Variants in RIT2 observed in about 807,000 individuals in gnomAD.
RIT2 encodes the protein GTP-binding protein Rit2.
A neutral mutation model predicts 23.7 loss-of-function variants in RIT2; 24 were observed. The observed-to-expected ratio is 1.01, with a 90% CI of 0.73 to 1.43. The LOEUF (loss-of-function observed/expected upper bound fraction) is 1.43. Among genes scored for constraint, RIT2 ranks in the 40% most tolerant of loss-of-function variants. The pLI is 0.00. For synonymous variants in RIT2, 107 were observed against 91.1 expected (o/e 1.17, Z -0.99); for missense variants, 236 against 266.9 (o/e 0.88, Z 0.81).
chr18:42,992,741 TC>T (rs1458840291), intron 2 of RIT2, among the ~76,000 whole-genome samples: 8 of 152,154 alleles, frequency 5.3e-5, no homozygotes, highest in African/African-American at 1.9e-4. Context: ...TGCTCCTTTT[TC>T]TTTATCCAAC....
intron 2 of RIT2, among the ~76,000 whole-genome samples, chr18:43,000,999 C>G (rs556631403): frequency 4.6e-5 from 7 of 152,192 alleles, no homozygotes; most frequent in African/African-American, 1.7e-4. Flanking sequence ...TTATTTAAAA[C>G]AATATTATCT....
Position 42,765,174 on chromosome 18 carries a change from G to A in RIT2, c.427-21454C>T, listed in dbSNP as rs970363088. ...ATAGAAGCAATTAATATTTGGTTGT[G>A]TAAGAAAAAAATATTTTAAGAATCA... On this transcript the variant is annotated intron_variant, in intron 4 of 4. Coordinates refer to ENST00000326695, the MANE Select transcript of RIT2 (RefSeq NM_002930.4). Among the ~76,000 whole-genome samples the A allele has an allele frequency of 2.0e-5, 3 of 152,148 alleles. No homozygotes were observed. In the East Asian group the frequency reaches 5.8e-4, roughly 29 times the overall value.
chr18:42,787,371 C>G (rs1245838983), intron 4 of RIT2, among the ~76,000 whole-genome samples: 1 of 151,506 alleles, frequency 6.6e-6, no homozygotes, highest in African/African-American at 2.4e-5. Flanking sequence ...CACATGTATA[C>G]ATATGTAATA....
At chr18:42,891,817 C>T (rs1434819021) in intron 4 of RIT2, among the ~76,000 whole-genome samples, 1 of 152,188 alleles carries the variant, frequency 6.6e-6, no homozygotes, top group African/African-American at 2.4e-5. Context: ...CAATGATAGA[C>T]ACATGTTATT....
intron 4 of RIT2, among the ~76,000 whole-genome samples, chr18:42,757,828 T>A (rs964181075): frequency 2.0e-5 from 3 of 152,110 alleles, no homozygotes; most frequent in Non-Finnish European, 4.4e-5. Flanking sequence ...CCCTCCTATT[T>A]CACCTCAGTG....
At chr18:42,959,615 T>C (rs1312604934) in intron 3 of RIT2, among the ~76,000 whole-genome samples, 3 of 152,244 alleles carry the variant, frequency 2.0e-5, no homozygotes, top group African/African-American at 7.2e-5. Flanking sequence ...TATGTTACTA[T>C]TCTCCTAACA....
At chr18:42,943,131 G>T (rs1184443436) in intron 3 of RIT2, among the ~76,000 whole-genome samples, 1 of 152,076 alleles carries the variant, frequency 6.6e-6, no homozygotes, top group African/African-American at 2.4e-5. Flanking sequence ...CTGCTGGCTG[G>T]TGTGGCCAGC....
Position 42,985,272 on chromosome 18 carries a change from A to T in RIT2, c.161-11125T>A, listed in dbSNP as rs551982657. Among the ~76,000 whole-genome samples, 3 of 152,280 alleles carry T rather than the reference A, an allele frequency of 2.0e-5. No individual in the cohort carries two copies. The South Asian group carries it at 6.2e-4, about 32-fold the overall frequency. ...TATGAGATGTTATGAAGAAAGTTAAAGATCATCTAAATAAGTGGAGGTATA... is the reference window on the plus strand; with the variant it reads ...TATGAGATGTTATGAAGAAAGTTAATGATCATCTAAATAAGTGGAGGTATA... On this transcript the variant is annotated intron_variant, in intron 2 of 4. Transcript: ENST00000326695.
At chr18:42,747,928 T>TA (rs1406310133) in intron 4 of RIT2, among the ~76,000 whole-genome samples, 1 of 152,032 alleles carries the variant, frequency 6.6e-6, no homozygotes, top group Non-Finnish European at 1.5e-5. Context: ...TCTGAAAACA[T>TA]AAAAATTATA....
chr18:43,041,282 A>T (rs2030277623), intron 1 of RIT2, among the ~76,000 whole-genome samples: 1 of 152,298 alleles, frequency 6.6e-6, no homozygotes, highest in South Asian at 2.1e-4. Context: ...TCTTTATAAA[A>T]GTAATTAGGG....
chr18:42,833,181 T>C (rs1906508381), intron 4 of RIT2, among the ~76,000 whole-genome samples: 1 of 152,172 alleles, frequency 6.6e-6, no homozygotes, highest in African/African-American at 2.4e-5. Context: ...TATCTATTAT[T>C]CTACTGTTTA....
chr18:43,064,972 A>G (rs1350393388), intron 1 of RIT2, among the ~76,000 whole-genome samples: 2 of 151,850 alleles, frequency 1.3e-5, no homozygotes, highest in Admixed American at 1.3e-4. Context: ...GTGCACCACC[A>G]TGCCCGGCTA....
chr18:42,875,446 T>G (rs187583135), intron 4 of RIT2, among the ~76,000 whole-genome samples: 4 of 151,946 alleles, frequency 2.6e-5, no homozygotes, highest in African/African-American at 9.6e-5. Flanking sequence ...TACTAGTAAA[T>G]TGTGTTGTGC....
intron 4 of RIT2, among the ~76,000 whole-genome samples, chr18:42,815,259 T>G (rs1332493751): frequency 6.6e-6 from 1 of 152,046 alleles, no homozygotes; most frequent in African/African-American, 2.4e-5. Context: ...ATGAAACAGA[T>G]AGCATCAATA....
intron 1 of RIT2, among the ~76,000 whole-genome samples, chr18:43,090,526 C>T (rs752618843): frequency 6.6e-6 from 1 of 152,044 alleles, no homozygotes. Context: ...TGGTTATATA[C>T]CCAAAGGAAT....
chr18:42,840,020 G>A (rs938227770), intron 4 of RIT2, among the ~76,000 whole-genome samples: 3 of 152,136 alleles, frequency 2.0e-5, no homozygotes, highest in Non-Finnish European at 4.4e-5. Context: ...TCAACTAAGG[G>A]TCAACCAAAA....
intron 3 of RIT2, among the ~76,000 whole-genome samples, chr18:42,929,764 C>T (rs1286610362): frequency 6.6e-6 from 1 of 152,152 alleles, no homozygotes; most frequent in Non-Finnish European, 1.5e-5. Flanking sequence ...GCAGCAATTG[C>T]CAGCTCATGA....
intron 1 of RIT2, among the ~76,000 whole-genome samples, chr18:43,087,981 T>C (rs967278587): frequency 2.6e-5 from 4 of 152,216 alleles, no homozygotes; most frequent in African/African-American, 9.6e-5. Flanking sequence ...ACTTCATTAA[T>C]ATTAGCCTAG....
chr18:43,090,438 C>T lies in RIT2; in HGVS notation c.103+24979G>A, dbSNP rs371086092. Among the ~76,000 whole-genome samples the T allele has an allele frequency of 1.4e-4, 22 of 152,118 alleles. No homozygotes were observed. In the East Asian group the frequency reaches 3.7e-3, roughly 26 times the overall value. On this transcript the variant is annotated intron_variant, in intron 1 of 4. Transcript: ENST00000326695. ...GCTGTTGATGGAAGTGTAAATAGTTCAGCCATGTGGAAGACAGTGTGGCAA... is the reference window on the plus strand; with the variant it reads ...GCTGTTGATGGAAGTGTAAATAGTTTAGCCATGTGGAAGACAGTGTGGCAA...
Sources: gnomAD v4.1 joint callset for allele counts (sites outside exome capture counted in the v4.1 genomes callset) on GRCh38, gnomAD v4.1.1 for gene constraint, MANE v1.5 for transcripts, NCBI Gene and HGNC (gene_info 2026-07-23, HGNC 2026-07-21) for gene names.